The following KRT81 variants were observed in gnomAD, a reference collection of about 807,000 sequenced individuals.
KRT81 encodes the protein keratin, type II cuticular Hb1.
In KRT81, 35 loss-of-function variants were observed where a neutral mutation model predicts 35.8. The observed-to-expected ratio is 0.98, with a 90% CI of 0.75 to 1.30. The LOEUF is 1.30. Ranked by LOEUF, KRT81 falls within the 50% of genes most tolerant of loss-of-function variation. The pLI is 0.00. For missense variants in KRT81, 531 were observed against 577.4 expected, an observed-to-expected ratio of 0.92 and a Z score of 0.82; for synonymous variants, 249 against 251.2, an observed-to-expected ratio of 0.99 and a Z score of 0.08.
At position 52,291,389 on chromosome 12, in the gene KRT81, C is replaced by T. The variant is rs776029360; in HGVS notation, c.77G>A (p.Cys26Tyr). 3.4e-5 allele frequency: 54 copies of T among 1,607,938 alleles called. No homozygotes were observed. In the African/African-American group the frequency reaches 7.1e-4, roughly 21 times the overall value. The change falls in exon 1 of 9, where the codon TGC becomes TAC. Residue 26 changes from cysteine to tyrosine, a missense_variant. Cys to Tyr is a radical substitution (Grantham distance 194). Around this residue, in one of 5 missense-constraint regions of KRT81, gnomAD observed 133 missense variants for 125.9 expected, o/e 1.06. Coordinates refer to ENST00000327741, the MANE Select transcript of KRT81 (RefSeq NM_002281.4). ...GCCACGGTAGGGGGCGGCGGTGATG[C>T]AGCAGCGGCCGGGCCGCGGCCCGCA... ...SACGPRPGRC[C>Y]ITAAPYRGIS...
At position 52,286,795 on chromosome 12, in the gene KRT81, A is replaced by G; in HGVS notation, c.1275T>C (p.Asn425=). The G allele has an allele frequency of 6.2e-7, 1 of 1,614,094 alleles. No individual in the cohort carries two copies. Among genetic ancestry groups the G allele is most frequent in the African/African-American group, 1.3e-5 (1 of 75,044 alleles). ...CACTGGACCCCAAATACTCACAGAC[A>G]TTCACAGCCCCAATGCCTTCACATA... The part of the protein sequence containing the change: ...QRLCEGIGAV[N]VCVSSSRGGV... The change falls in exon 8 of 9, where the codon AAT becomes AAC. Residue 425 remains asparagine (N), a synonymous_variant. Transcript: ENST00000327741.
In KRT81 at chr12:52,287,286, G is replaced by A; in HGVS notation, c.1063C>T (p.Gln355Ter). The A allele has an allele frequency of 1.2e-6, 2 of 1,614,066 alleles. No individual in the cohort carries two copies. Among genetic ancestry groups the A allele is most frequent in the Non-Finnish European group, 1.7e-6 (2 of 1,179,980 alleles). The change falls in exon 7 of 9, where the codon CAG becomes TAG. Residue 355 changes from glutamine (Q) to a stop codon, truncating the protein, a stop_gained. Transcript: ENST00000327741. LOFTEE classifies it high-confidence loss of function. ...TCACTGAGGGCCGCCTCACCCTGCT[G>A]CTCAGACTGGGCCACCGCGGCCTCC... ...KLEAAVAQSEQQGEAALSDAR... is the reference protein window; with the variant it reads ...KLEAAVAQSE
intron 3 of KRT81, among the ~76,000 whole-genome samples, 178 bp downstream of exon 3, chr12:52,289,033 GTCAT>G (rs1156793605): frequency 1.7e-5 from 2 of 121,040 alleles, no homozygotes; most frequent in East Asian, 4.8e-4. Context: ...ATATTCCCAA[GTCAT>G]TGCCCTTTGT....
At chr12:52,288,276 T>G (rs960310454) in intron 4 of KRT81, 85 bp downstream of exon 4, 25 of 1,604,472 alleles carry the variant, frequency 1.6e-5, no homozygotes, top group Non-Finnish European at 2.1e-5. Context: ...GACTGCAACC[T>G]CTACCCACAT....
At chr12:52,288,523 C>T in intron 3 of KRT81, 67 bp from the exon 4 acceptor site, 1 of 1,567,970 alleles carries the variant, frequency 6.4e-7, no homozygotes, top group Non-Finnish European at 8.8e-7. Flanking sequence ...CCTCTCTCTG[C>T]CCATCCATTC....
In KRT81 at chr12:52,288,038, A is replaced by T. The variant is rs138597671; in HGVS notation, c.846T>A (p.Tyr282Ter). The stretch of plus-strand genomic sequence containing the variant: ...CCCGGCTGCGGGTGACAATGTCGTC[A>T]TACTGTGCCTTAATCTCGGCAATGA... ...DCIIAEIKAQYDDIVTRSRAE... is the reference protein window; with the variant it reads ...DCIIAEIKAQ Residue 282 changes from tyrosine (Y) to a stop codon, truncating the protein, a stop_gained, in exon 5 of 9, where the codon TAT (tyrosine) becomes TAA (stop). Coordinates refer to ENST00000327741, the MANE Select transcript of KRT81 (RefSeq NM_002281.4). LOFTEE classifies it high-confidence loss of function. The T allele has an allele frequency of 1.2e-3, 1,874 of 1,614,200 alleles. 7 individuals are homozygous for T. The highest frequency in any genetic ancestry group is 1.6e-3 in the Admixed American group (95 of 60,024).
rs141587304 is a variant in KRT81, at chr12:52,288,057, G to T, written c.827C>A (p.Ala276Asp). Reference protein sequence around the residue: ...SRDLNMDCIIAEIKAQYDDIV... With the variant: ...SRDLNMDCIIDEIKAQYDDIV... ...GTCGTCATACTGTGCCTTAATCTCG[G>T]CAATGATGCAGTCCATGTTCAGGTC... is the stretch of plus-strand genomic sequence containing the variant. Residue 276 changes from alanine to aspartate, a missense_variant, in exon 5 of 9, where the codon GCC (alanine) becomes GAC (aspartate). This residue lies in a region of KRT81 where 194 missense variants were observed against 198.2 expected (regional missense o/e 0.98). Transcript: ENST00000327741. The T allele has an allele frequency of 6.1e-5, 99 of 1,614,178 alleles. No individual in the cohort carries two copies. The African/African-American group carries it at 1.2e-3, about 20-fold the overall frequency.
At position 52,291,162 on chromosome 12, in the gene KRT81, C is replaced by T. The variant is rs1240912447; in HGVS notation, c.304G>A (p.Val102Met). ...ATCTGCTCCTTCTCCTCCTGCTTCA[C>T]GCACTGCGCGTTGGGGTCGATCTCC... ...NLEIDPNAQC[V>M]KQEEKEQIKS... The change falls in exon 1 of 9, where the codon GTG becomes ATG. Residue 102 changes from valine to methionine, a missense_variant. Coordinates refer to ENST00000327741, the MANE Select transcript of KRT81 (RefSeq NM_002281.4). The T allele has an allele frequency of 1.8e-6, 2 of 1,142,810 alleles. No individual in the cohort carries two copies. Among genetic ancestry groups the T allele is most frequent in the East Asian group, 2.6e-5 (1 of 37,758 alleles). 70.8% of individuals were successfully genotyped at this position (1,142,810 alleles called of 1,614,324 possible). A position where few individuals can be genotyped will look rare whatever the true frequency, so the allele number is the denominator to read the frequency against.
intron 5 of KRT81, 113 bp from the exon 6 acceptor site, chr12:52,287,834 C>T: frequency 6.2e-7 from 1 of 1,604,408 alleles, no homozygotes; most frequent in East Asian, 2.2e-5. Context: ...CCACACATGG[C>T]AGTCCTGCCC....
Position 52,287,643 on chromosome 12 carries a change from G to T in KRT81, c.979C>A (p.Arg327Ser). 1 of 1,613,838 alleles carries T rather than the reference G, an allele frequency of 6.2e-7. No homozygotes were observed. The highest frequency in any genetic ancestry group is 8.5e-7 in the Non-Finnish European group (1 of 1,179,844). ...RTKEEINELN[R>S]MIQRLTAEVE... ...TCGGCCGTCAGCCTTTGGATCATGC[G>T]GTTCAGCTCATTGATCTCCTCCTTG... The change falls in exon 6 of 9, where the codon CGC becomes AGC. Residue 327 changes from arginine (R) to serine (S), a missense_variant. Physicochemically the swap from Arg to Ser is moderately radical, Grantham distance 110. Coordinates refer to ENST00000327741, the MANE Select transcript of KRT81 (RefSeq NM_002281.4).
chr12:52,285,924 A>G lies in KRT81; in HGVS notation c.*331T>C. 2.5e-6 allele frequency: 1 copy of G among 393,264 alleles called. No homozygotes were observed. The highest frequency in any genetic ancestry group is 4.8e-6 in the Non-Finnish European group (1 of 208,542). 24.4% of individuals were successfully genotyped at this position (393,264 alleles called of 1,614,324 possible). A position where few individuals can be genotyped will look rare whatever the true frequency, so the allele number is the denominator to read the frequency against. On this transcript the variant is annotated 3_prime_UTR_variant, in exon 9 of 9. Coordinates refer to ENST00000327741, the MANE Select transcript of KRT81 (RefSeq NM_002281.4). ...ACACAAGACCCAGGTTGGCTACATTAATTTATTGAAACACAGATCAAGAGC... is the reference window on the plus strand; with the variant it reads ...ACACAAGACCCAGGTTGGCTACATTGATTTATTGAAACACAGATCAAGAGC...
chr12:52,288,241 C>T, intron 4 of KRT81, 93 bp from the exon 5 acceptor site: 1 of 1,596,864 alleles, frequency 6.3e-7, no homozygotes, highest in Non-Finnish European at 8.6e-7. Flanking sequence ...TGGTCCCCAA[C>T]CCTGCCCCCT....
intron 5 of KRT81, 78 bp from the exon 6 acceptor site, chr12:52,287,799 G>T (rs1242841804): frequency 3.1e-6 from 5 of 1,612,814 alleles, no homozygotes; most frequent in Admixed American, 3.3e-5. Flanking sequence ...GATTTTGCAG[G>T]TTGTACAGTG....
At position 52,287,400 on chromosome 12, in the gene KRT81, C is replaced by G. The variant is rs1937982328; in HGVS notation, c.1027-78G>C. 5.0e-6 allele frequency: 8 copies of G among 1,588,028 alleles called. 1 individual carries two copies. Among genetic ancestry groups the G allele is most frequent in the South Asian group, 2.3e-5 (2 of 88,720 alleles). On this transcript the variant is annotated intron_variant, in intron 6 of 8. Transcript: ENST00000327741. ...GCTCATCCAAATGAGACCACACTCC[C>G]CACCAAGCTGGGAGCACCCCAGAAC...
At position 52,286,501 on chromosome 12, in the gene KRT81, C is replaced by A. The variant is rs572305707; in HGVS notation, c.1280-8G>T. 3 of 1,551,834 alleles carry A rather than the reference C, an allele frequency of 1.9e-6. No homozygotes were observed. Among genetic ancestry groups the A allele is most frequent in the Non-Finnish European group, 1.7e-6 (2 of 1,147,446 alleles). ...CCCGGGAGCTGCTGACACCTGTGAA[C>A]CCCGAAGGCTGAGTCAAAATTCTGA... On this transcript the variant is annotated splice_polypyrimidine_tract_variant and splice_region_variant and intron_variant, in intron 8 of 8. Transcript: ENST00000327741.
intron 8 of KRT81, 125 bp from the exon 9 acceptor site, chr12:52,286,618 A>C: frequency 8.3e-7 from 1 of 1,207,264 alleles, no homozygotes; most frequent in East Asian, 2.5e-5. Context: ...GGACAATTCT[A>C]GGTCCATCTA....
rs756076197 is a variant in KRT81 at position 52,291,400 on chromosome 12, G to C, written c.66C>G (p.Pro22=). ...GGGCGGCGGTGATGCAGCAGCGGCC[G>C]GGCCGCGGCCCGCAGGCCGAGATGC... ...FSCISACGPR[P]GRCCITAAPY... The change falls in exon 1 of 9, where the codon CCC becomes CCG. Residue 22 remains proline, a synonymous_variant. Transcript: ENST00000327741. 1.9e-6 allele frequency: 3 copies of C among 1,610,108 alleles called. No homozygotes were observed. Among genetic ancestry groups the C allele is most frequent in the Admixed American group, 1.7e-5 (1 of 59,666 alleles).
chr12:52,287,048 G>A (rs1937966517), intron 7 of KRT81, 54 bp downstream of exon 7: 5 of 1,612,234 alleles, frequency 3.1e-6, no homozygotes, highest in Admixed American at 3.3e-5. Flanking sequence ...CCAAGGGTAG[G>A]CTTGTGCCAG....
Position 52,291,349 on chromosome 12 carries a change from G to A in KRT81, c.117C>T (p.Arg39=), listed in dbSNP as rs1374104553. 1.3e-6 allele frequency: 2 copies of A among 1,584,608 alleles called. No individual in the cohort carries two copies. Among genetic ancestry groups the A allele is most frequent in the Non-Finnish European group, 1.7e-6 (2 of 1,166,970 alleles). ...AAPYRGISCY[R]GLTGGFGSHS... ...GGCTGCCGAAGCCCCCGGTGAGGCCGCGGTAGCAGGAGATGCCACGGTAGG... is the reference window on the plus strand; with the variant it reads ...GGCTGCCGAAGCCCCCGGTGAGGCCACGGTAGCAGGAGATGCCACGGTAGG... The change falls in exon 1 of 9, where the codon CGC becomes CGT. Residue 39 remains arginine (R), a synonymous_variant. Transcript: ENST00000327741.
Sources: allele counts gnomAD v4.1 joint callset (sites outside exome capture counted in the v4.1 genomes callset), GRCh38; gene constraint gnomAD v4.1.1; regional missense constraint gnomAD v4.1.1; transcripts MANE v1.5; gene names NCBI Gene and HGNC (gene_info 2026-07-23, HGNC 2026-07-21).